Variants in SPOCK1 observed in about 807,000 individuals in gnomAD.
SPOCK1 encodes SPARC (osteonectin), cwcv and kazal like domains proteoglycan 1, also known as testican-1.
In SPOCK1, 23 loss-of-function variants were observed where a neutral mutation model predicts 55.3. The ratio of observed to expected loss-of-function variants is 0.42; its 90% CI spans 0.30 to 0.59. SPOCK1 has a LOEUF of 0.59. SPOCK1 is among the 20% of genes least tolerant of loss of function. The pLI, the probability that SPOCK1 is intolerant of heterozygous loss-of-function variation, is 0.22. For missense variants in SPOCK1, 499 were observed against 552.5 expected (o/e 0.90, Z 0.97); for synonymous variants, 226 against 221.0 (o/e 1.02, Z -0.20).
chr5:137,491,545 C>T (rs1754178751), intron 2 of SPOCK1, among the ~76,000 whole-genome samples: 1 of 152,094 alleles, frequency 6.6e-6, no homozygotes, highest in South Asian at 2.1e-4. Context: ...GAGTGGGGCT[C>T]TGTGGTAAAG....
chr5:137,304,352 T>A (rs942667047), intron 2 of SPOCK1, among the ~76,000 whole-genome samples: 10 of 152,158 alleles, frequency 6.6e-5, no homozygotes, highest in African/African-American at 2.4e-4. Context: ...AATAAACCTG[T>A]GTAAACAGCA....
At chr5:137,147,240 T>C (rs1369354019) in intron 3 of SPOCK1, among the ~76,000 whole-genome samples, 1 of 152,110 alleles carries the variant, frequency 6.6e-6, no homozygotes, top group Non-Finnish European at 1.5e-5. Context: ...CATTTTGGTA[T>C]ACATAAAAAT....
intron 2 of SPOCK1, among the ~76,000 whole-genome samples, chr5:137,319,999 T>C (rs1197816976): frequency 4.0e-5 from 6 of 149,240 alleles, no homozygotes; most frequent in Non-Finnish European, 3.0e-5. Flanking sequence ...AAAGCCTTTA[T>C]GAGAACTCCA....
chr5:137,454,359 AAC>A (rs1391959978), intron 2 of SPOCK1, among the ~76,000 whole-genome samples: 1 of 152,200 alleles, frequency 6.6e-6, no homozygotes, highest in Non-Finnish European at 1.5e-5. Flanking sequence ...AAGAATGGGA[AAC>A]ACATTCGGAG....
chr5:137,360,262 G>A (rs1027149354), intron 2 of SPOCK1, among the ~76,000 whole-genome samples: 2 of 152,218 alleles, frequency 1.3e-5, no homozygotes, highest in Non-Finnish European at 2.9e-5. Context: ...CTCAGAACTT[G>A]GGAAGAGTGT....
intron 2 of SPOCK1, among the ~76,000 whole-genome samples, chr5:137,366,457 G>A (rs1751065376): frequency 6.6e-6 from 1 of 152,124 alleles, no homozygotes; most frequent in African/African-American, 2.4e-5. Flanking sequence ...GACAAGAAAA[G>A]ACAAACTTGC....
At chr5:137,314,312 G>A (rs535590216) in intron 2 of SPOCK1, among the ~76,000 whole-genome samples, 1 of 152,182 alleles carries the variant, frequency 6.6e-6, no homozygotes, top group African/African-American at 2.4e-5. Flanking sequence ...TCTAATACCA[G>A]TTCAAAGGCC....
intron 3 of SPOCK1, among the ~76,000 whole-genome samples, chr5:137,222,074 T>G (rs1289595633): frequency 1.3e-5 from 2 of 152,202 alleles, no homozygotes; most frequent in Admixed American, 1.3e-4. Flanking sequence ...GCCTCGAGTT[T>G]TCTTGTTTTA....
chr5:137,122,378 G>T (rs544753126), intron 4 of SPOCK1, among the ~76,000 whole-genome samples: 1 of 152,278 alleles, frequency 6.6e-6, no homozygotes, highest in South Asian at 2.1e-4. Flanking sequence ...TAAACGAACA[G>T]TTGAGCTTTT....
intron 3 of SPOCK1, among the ~76,000 whole-genome samples, chr5:137,234,144 AG>A (rs1466860488): frequency 1.3e-5 from 2 of 152,144 alleles, no homozygotes; most frequent in African/African-American, 4.8e-5. Context: ...AGGGATAAAG[AG>A]GCTTCCCATA....
intron 2 of SPOCK1, among the ~76,000 whole-genome samples, chr5:137,487,610 G>A (rs1754086692): frequency 1.3e-5 from 2 of 152,206 alleles, no homozygotes; most frequent in Non-Finnish European, 2.9e-5. Context: ...CATTTCGTCT[G>A]TGCAGAAAAC....
At chr5:137,065,387 T>C (rs1561596423) in intron 6 of SPOCK1, among the ~76,000 whole-genome samples, 2 of 152,188 alleles carry the variant, frequency 1.3e-5, no homozygotes, top group African/African-American at 2.4e-5. Flanking sequence ...AACTTTGCTG[T>C]AAGTCAGAGC....
At chr5:137,201,308 G>T (rs962961605) in intron 3 of SPOCK1, among the ~76,000 whole-genome samples, 1 of 152,176 alleles carries the variant, frequency 6.6e-6, no homozygotes, top group Admixed American at 6.5e-5. Context: ...AGCTGATAAT[G>T]AATCCACTAC....
intron 6 of SPOCK1, among the ~76,000 whole-genome samples, chr5:137,010,989 A>G (rs1362915851): frequency 1.3e-5 from 2 of 152,170 alleles, no homozygotes; most frequent in African/African-American, 4.8e-5. Flanking sequence ...TCCTGTCTGG[A>G]TAGTTACCAC....
At chr5:137,058,719 A>C (rs1752341406) in intron 6 of SPOCK1, among the ~76,000 whole-genome samples, 1 of 152,206 alleles carries the variant, frequency 6.6e-6, no homozygotes, top group Non-Finnish European at 1.5e-5. Context: ...GTTTCCTGAG[A>C]AGGTGACATT....
At chr5:137,447,351 C>T (rs903336071) in intron 2 of SPOCK1, among the ~76,000 whole-genome samples, 1 of 152,164 alleles carries the variant, frequency 6.6e-6, no homozygotes, top group Non-Finnish European at 1.5e-5. Context: ...CCCCTGAATA[C>T]ACAGAGGAGA....
At chr5:136,999,026 C>T (rs1751100000) in intron 6 of SPOCK1, among the ~76,000 whole-genome samples, 2 of 152,164 alleles carry the variant, frequency 1.3e-5, no homozygotes, top group Admixed American at 6.5e-5. Context: ...AAAACGTGAT[C>T]GCTCTCCACC....
chr5:137,203,710 CA>C (rs1020386169), intron 3 of SPOCK1, among the ~76,000 whole-genome samples: 2 of 152,126 alleles, frequency 1.3e-5, no homozygotes, highest in Admixed American at 6.5e-5. Context: ...AGTATCTCAC[CA>C]AGTCATCAAC....
intron 6 of SPOCK1, among the ~76,000 whole-genome samples, chr5:137,035,245 C>T (rs1220181811): frequency 2.0e-5 from 3 of 152,174 alleles, no homozygotes; most frequent in Non-Finnish European, 2.9e-5. Context: ...CACAGCCAGC[C>T]GTATCAGGAC....
Sources: allele counts gnomAD v4.1 joint callset (sites outside exome capture counted in the v4.1 genomes callset), GRCh38; gene constraint gnomAD v4.1.1; transcripts MANE v1.5; gene names NCBI Gene and HGNC (gene_info 2026-07-23, HGNC 2026-07-21).